The following AHNAK2 variants were observed in gnomAD, a reference collection of about 807,000 sequenced individuals.
AHNAK2 encodes the protein protein AHNAK2.
AHNAK2 carries 18 observed loss-of-function variants against 30.7 expected under a neutral mutation model. The observed-to-expected ratio is 0.59, with a 90% CI of 0.41 to 0.87. The LOEUF is 0.87. Ranked by LOEUF, AHNAK2 falls within the 40% of genes least tolerant of loss-of-function variation. The pLI is 0.00. For synonymous variants in AHNAK2, 3,590 were observed against 3,073.8 expected (o/e 1.17, Z -5.56); for missense variants, 8,604 against 7,373.0 (o/e 1.17, Z -6.11).
At position 104,947,453 on chromosome 14, in the gene AHNAK2, G is replaced by A. The variant is rs11848564; in HGVS notation, c.7998C>T (p.Ser2666=). ...CAGACACATCCACCAACGCCTCGAT[G>A]GACTCGCCTGGGGCCGACACCCTGA... ...PSFRVSAPGE[S]IEALVDVSEL... The change falls in exon 7 of 7, where the codon TCC becomes TCT. Residue 2666 remains serine (S), a synonymous_variant. Coordinates refer to ENST00000333244, the MANE Select transcript of AHNAK2 (RefSeq NM_138420.4). 752,911 of 1,612,182 alleles carry A rather than the reference G, an allele frequency of 0.47. 182,558 individuals carry two copies. The highest frequency in any genetic ancestry group is 0.56 in the Middle Eastern group (3,402 of 6,052).
chr14:104,944,412 T>C lies in AHNAK2; in HGVS notation c.11039A>G (p.Asp3680Gly), dbSNP rs1217664069. 1 of 1,611,808 alleles carries C rather than the reference T, an allele frequency of 6.2e-7. No homozygotes were observed. The highest frequency in any genetic ancestry group is 2.2e-5 in the East Asian group (1 of 44,702). The change falls in exon 7 of 7, where the codon GAC (aspartate) becomes GGC (glycine). Residue 3680 changes from aspartate to glycine, a missense_variant. Coordinates refer to ENST00000333244, the MANE Select transcript of AHNAK2 (RefSeq NM_138420.4). Reference protein sequence around the residue: ...ADVSLPSMQGDLKTTDLSIQP... With the variant: ...ADVSLPSMQGGLKTTDLSIQP... ...AATGCTGAGGTCAGTGGTCTTCAGG[T>C]CCCCCTGCATGGAGGGGAGACTCAC...
chr14:104,974,500 C>T (rs1899550025), intron 1 of AHNAK2, among the ~76,000 whole-genome samples: 1 of 152,264 alleles, frequency 6.6e-6, no homozygotes, highest in South Asian at 2.1e-4. Flanking sequence ...GCTGCTTTGC[C>T]TCCGCTTCTT....
At position 104,950,652 on chromosome 14, in the gene AHNAK2, C is replaced by A. The variant is rs1320839348; in HGVS notation, c.4799G>T (p.Gly1600Val). The A allele has an allele frequency of 6.3e-7, 1 of 1,586,964 alleles. No homozygotes were observed. The highest frequency in any genetic ancestry group is 1.7e-5 in the Admixed American group (1 of 57,502). Residue 1600 changes from glycine to valine, a missense_variant, in exon 7 of 7, where the codon GGC (glycine) becomes GTC (valine). Physicochemically the swap from Gly to Val is moderately radical, Grantham distance 109. Transcript: ENST00000333244. ...DLKGPQIDVK[G>V]PKLDLKGPKV... Reference sequence around the variant, plus strand: ...GGGGCCTTTCAGGTCCAGCTTGGGGCCCTTAACATCTATCTGGGGCCCCTT... The same window carrying A: ...GGGGCCTTTCAGGTCCAGCTTGGGGACCTTAACATCTATCTGGGGCCCCTT...
At position 104,952,629 on chromosome 14, in the gene AHNAK2, G is replaced by A; in HGVS notation, c.2822C>T (p.Pro941Leu). 1 of 1,612,224 alleles carries A rather than the reference G, an allele frequency of 6.2e-7. No homozygotes were observed. The highest frequency in any genetic ancestry group is 8.5e-7 in the Non-Finnish European group (1 of 1,179,446). ...CTTGGGGCCTTTCAGGTCCAGCTTG[G>A]GGCCCTTAACATCTATCTGGGGGCC... ...LKGPQIDVKG[P>L]KLDLKGPKAE... is the part of the protein sequence containing the mutation. Residue 941 changes from proline to leucine, a missense_variant, in exon 7 of 7, where the codon CCC becomes CTC. By Grantham distance (98) the Pro-to-Leu change is moderately conservative (BLOSUM62 -3). Transcript: ENST00000333244.
At position 104,947,552 on chromosome 14, in the gene AHNAK2, G is replaced by A. The variant is rs1203967660; in HGVS notation, c.7899C>T (p.Asp2633=). 1 of 1,612,648 alleles carries A rather than the reference G, an allele frequency of 6.2e-7. No homozygotes were observed. Among genetic ancestry groups the A allele is most frequent in the South Asian group, 1.1e-5 (1 of 91,022 alleles). ...AKLDGARLEG[D]LSLADKGVTA... is the part of the protein sequence containing the mutation. ...TCACACCCTTGTCGGCCAGGGACAG[G>A]TCCCCCTCCAGCCGCGCACCATCCA... The change falls in exon 7 of 7, where the codon GAC becomes GAT. Residue 2633 remains aspartate, a synonymous_variant. Coordinates refer to ENST00000333244, the MANE Select transcript of AHNAK2 (RefSeq NM_138420.4).
rs749746198 is a variant in AHNAK2 at position 104,944,340 on chromosome 14, A to C, written c.11111T>G (p.Val3704Gly). The part of the protein sequence containing the change: ...DLKVQAGQMD[V>G]KLPEGQVPEG... The stretch of plus-strand genomic sequence containing the variant: ...GGGCACCTGGCCCTCCGGGAGCTTC[A>C]CATCCATCTGGCCAGCCTGGACCTT... The change falls in exon 7 of 7, where the codon GTG (valine) becomes GGG (glycine). Residue 3704 changes from valine (V) to glycine (G), a missense_variant. By Grantham distance (109) the Val-to-Gly change is moderately radical (BLOSUM62 -3). Transcript: ENST00000333244. 2 of 1,612,270 alleles carry C rather than the reference A, an allele frequency of 1.2e-6. No individual in the cohort carries two copies. The highest frequency in any genetic ancestry group is 1.7e-5 in the Admixed American group (1 of 59,852).
At chr14:104,967,757 C>T in intron 1 of AHNAK2, among the ~76,000 whole-genome samples, 1 of 152,234 alleles carries the variant, frequency 6.6e-6, no homozygotes, top group Non-Finnish European at 1.5e-5. Flanking sequence ...GGAACACAAA[C>T]AGGAAGGGGG....
In AHNAK2 at chr14:104,945,304, C is replaced by A. The variant is rs374841889; in HGVS notation, c.10147G>T (p.Glu3383Ter). ...AGGTGCCCTTTGAGGCCAGCTCCCT[C>A]GGGCACGTGGCCCTCCGGGAGCTTC... ...DVKLPEGHVP[E>*]GAGLKGHLPK... The change falls in exon 7 of 7, where the codon GAG becomes TAG. Residue 3383 changes from glutamate to a stop codon, truncating the protein, a stop_gained. Coordinates refer to ENST00000333244, the MANE Select transcript of AHNAK2 (RefSeq NM_138420.4). LOFTEE classifies it low-confidence loss of function (END_TRUNC). The A allele has an allele frequency of 6.2e-7, 1 of 1,613,098 alleles. No homozygotes were observed. Among genetic ancestry groups the A allele is most frequent in the South Asian group, 1.1e-5 (1 of 91,048 alleles).
At position 104,946,983 on chromosome 14, in the gene AHNAK2, A is replaced by T. The variant is rs1470674520; in HGVS notation, c.8468T>A (p.Phe2823Tyr). The T allele has an allele frequency of 1.5e-5, 24 of 1,611,462 alleles. No individual in the cohort carries two copies. The highest frequency in any genetic ancestry group is 1.4e-5 in the African/African-American group (1 of 73,946). ...GGACTTGCCTGGGGCCGACACCCCG[A>T]ATGACGGCATCTTGAACTTGGGCAT... is the stretch of plus-strand genomic sequence containing the variant. ...FKMPKFKMPSFGVSAPGKSIE... is the reference protein window; with the variant it reads ...FKMPKFKMPSYGVSAPGKSIE... Residue 2823 changes from phenylalanine (F) to tyrosine (Y), a missense_variant, in exon 7 of 7, where the codon TTC becomes TAC. Phe to Tyr is a conservative substitution (Grantham distance 22). Coordinates refer to ENST00000333244, the MANE Select transcript of AHNAK2 (RefSeq NM_138420.4).
chr14:104,975,152 A>G (rs1249661960), intron 1 of AHNAK2, among the ~76,000 whole-genome samples: 3 of 152,194 alleles, frequency 2.0e-5, no homozygotes, highest in Non-Finnish European at 4.4e-5. Flanking sequence ...AGCCACGACG[A>G]GCCCGGATGG....
rs201246889 is a variant in AHNAK2, at chr14:104,951,883, C to G, written c.3568G>C (p.Ala1190Pro). The G allele has an allele frequency of 1.1e-4, 170 of 1,608,590 alleles. 2 individuals are homozygous for G. The highest frequency in any genetic ancestry group is 6.6e-4 in the Admixed American group (39 of 59,474). ...CTCACGTCGGCCTCCACTTTGGGTGCAGACACATCCACCGAGGCCTCGATG... is the reference window on the plus strand; with the variant it reads ...CTCACGTCGGCCTCCACTTTGGGTGGAGACACATCCACCGAGGCCTCGATG... ...KSIEASVDVS[A>P]PKVEADVSLP... The change falls in exon 7 of 7, where the codon GCA becomes CCA. Residue 1190 changes from alanine (A) to proline (P), a missense_variant. By Grantham distance (27) the Ala-to-Pro change is conservative. Coordinates refer to ENST00000333244, the MANE Select transcript of AHNAK2 (RefSeq NM_138420.4).
rs555973349 is a variant in AHNAK2, at chr14:104,954,810, G to T, written c.652-11C>A. 56 of 1,550,634 alleles carry T rather than the reference G, an allele frequency of 3.6e-5. 2 individuals are homozygous for T. In the South Asian group the frequency reaches 6.8e-4, roughly 19 times the overall value. On this transcript the variant is annotated splice_polypyrimidine_tract_variant and intron_variant, in intron 6 of 6. Transcript: ENST00000333244. This position sits in a 1 kb window ranked among gnomAD's most constrained non-coding sequence, Gnocchi z 4.3. Reference sequence around the variant, plus strand: ...AGCAACATCCGTGTCCTGAAACATAGGGAGAGGGAATCTGTTGGTGCCAGT... The same window carrying T: ...AGCAACATCCGTGTCCTGAAACATATGGAGAGGGAATCTGTTGGTGCCAGT...
chr14:104,941,672 G>A lies in AHNAK2; in HGVS notation c.13779C>T (p.Ser4593=), dbSNP rs200454122. 28 of 1,613,636 alleles carry A rather than the reference G, an allele frequency of 1.7e-5. No individual in the cohort carries two copies. In the Admixed American group the frequency reaches 1.8e-4, roughly 11 times the overall value. ...MAPDVEVSLP[S]VETDVQAPGS... The stretch of plus-strand genomic sequence containing the variant: ...CTGGGGCCTGGACATCCGTCTCCAC[G>A]CTGGGCAGAGACACCTCCACATCGG... The change falls in exon 7 of 7, where the codon AGC becomes AGT. Residue 4593 remains serine (S), a synonymous_variant. Coordinates refer to ENST00000333244, the MANE Select transcript of AHNAK2 (RefSeq NM_138420.4).
At chr14:104,976,716 C>T (rs1173047359) in intron 1 of AHNAK2, among the ~76,000 whole-genome samples, 2 of 152,192 alleles carry the variant, frequency 1.3e-5, no homozygotes, top group Non-Finnish European at 2.9e-5. Flanking sequence ...TCTGTGGAGG[C>T]AGGGGGTGGA....
In AHNAK2 at chr14:104,952,077, G is replaced by C. The variant is rs747952710; in HGVS notation, c.3374C>G (p.Ser1125Cys). Residue 1125 changes from serine to cysteine, a missense_variant, in exon 7 of 7, where the codon TCT (serine) becomes TGT (cysteine). Ser to Cys is a moderately radical substitution (Grantham distance 112). Coordinates refer to ENST00000333244, the MANE Select transcript of AHNAK2 (RefSeq NM_138420.4). ...AEVTAPDVEV[S>C]LPSVEVDVEA... ...GACGTCCACCTCCACGCTGGGCAGAGACACCTCCACATCAGGGGCTGTGAC... is the reference window on the plus strand; with the variant it reads ...GACGTCCACCTCCACGCTGGGCAGACACACCTCCACATCAGGGGCTGTGAC... The C allele has an allele frequency of 3.1e-6, 5 of 1,612,636 alleles. No individual in the cohort carries two copies. In the Admixed American group the frequency reaches 8.3e-5, roughly 27 times the overall value.
At chr14:104,965,930 A>G (rs1899290190) in intron 1 of AHNAK2, among the ~76,000 whole-genome samples, 1 of 152,164 alleles carries the variant, frequency 6.6e-6, no homozygotes, top group Non-Finnish European at 1.5e-5. Flanking sequence ...GCTGGGCTAC[A>G]GACACTGCTC....
intron 1 of AHNAK2, among the ~76,000 whole-genome samples, chr14:104,970,837 T>C (rs915747005): frequency 6.6e-6 from 1 of 152,178 alleles, no homozygotes; most frequent in African/African-American, 2.4e-5. Context: ...GACACAGGCC[T>C]GAGGCAGGTC....
Position 104,942,305 on chromosome 14 carries a change from C to A in AHNAK2, c.13146G>T (p.Pro4382=). ...HEGAGLKGHL[P]KLQMPSFKVP... Reference sequence around the variant, plus strand: ...CCTTGAAACTGGGCATCTGCAGCTTCGGCAGGTGCCCTTTGAGGCCGGCTC... The same window carrying A: ...CCTTGAAACTGGGCATCTGCAGCTTAGGCAGGTGCCCTTTGAGGCCGGCTC... The change falls in exon 7 of 7, where the codon CCG becomes CCT. Residue 4382 remains proline, a synonymous_variant. Coordinates refer to ENST00000333244, the MANE Select transcript of AHNAK2 (RefSeq NM_138420.4). 1 of 1,611,498 alleles carries A rather than the reference C, an allele frequency of 6.2e-7. No individual in the cohort carries two copies. The highest frequency in any genetic ancestry group is 8.5e-7 in the Non-Finnish European group (1 of 1,179,184).
intron 1 of AHNAK2, among the ~76,000 whole-genome samples, chr14:104,962,868 T>C (rs967579585): frequency 6.6e-6 from 1 of 152,270 alleles, no homozygotes; most frequent in Middle Eastern, 3.4e-3. Flanking sequence ...GAATTTGAAA[T>C]GAATCATAGA....
Sources: gnomAD v4.1 joint callset for allele counts (sites outside exome capture counted in the v4.1 genomes callset) on GRCh38, gnomAD v4.1.1 for gene constraint, Gnocchi (gnomAD v3.1) non-coding constraint, MANE v1.5 for transcripts, NCBI Gene and HGNC (gene_info 2026-07-23, HGNC 2026-07-21) for gene names.